The following TCF7L1 variants were observed in gnomAD, a reference collection of about 807,000 sequenced individuals.
The protein encoded by TCF7L1 is transcription factor 7 like 1.
A neutral mutation model predicts 63.7 loss-of-function variants in TCF7L1; 18 were observed. The observed-to-expected ratio is 0.28, with a 90% confidence interval of 0.20 to 0.42. The LOEUF (loss-of-function observed/expected upper bound fraction) is 0.42. Ranked by LOEUF, TCF7L1 falls within the 10% of genes least tolerant of loss-of-function variation. TCF7L1 has a pLI of 1.00. For synonymous variants in TCF7L1, 355 were observed against 340.9 expected, an observed-to-expected ratio of 1.04 and a Z score of -0.46; for missense variants, 654 against 779.3, an observed-to-expected ratio of 0.84 and a Z score of 1.91.
At chr2:85,295,490 C>A (rs1205487628) in intron 4 of TCF7L1, among the ~76,000 whole-genome samples, 1 of 152,244 alleles carries the variant, frequency 6.6e-6, no homozygotes, top group East Asian at 1.9e-4. Context: ...CATGAGCCAC[C>A]GTGCCTGGCC....
chr2:85,298,077 C>G (rs940048049), intron 4 of TCF7L1, among the ~76,000 whole-genome samples: 2 of 148,790 alleles, frequency 1.3e-5, no homozygotes, highest in Non-Finnish European at 3.0e-5. Flanking sequence ...CCTGCCTCAG[C>G]CTCCCGAGTA....
Position 85,208,383 on chromosome 2 carries a change from A to C in TCF7L1, c.441+73933A>C, listed in dbSNP as rs1483227913. Among the ~76,000 whole-genome samples, 4 of 152,304 alleles carry C rather than the reference A, an allele frequency of 2.6e-5. No homozygotes were observed. The East Asian group carries it at 5.8e-4, about 22-fold the overall frequency. ...ACCTTCTGGCAGGAGAGAGAGACATACGTATACAGCGTGTCAGGTGGGAAA... is the reference window on the plus strand; with the variant it reads ...ACCTTCTGGCAGGAGAGAGAGACATCCGTATACAGCGTGTCAGGTGGGAAA... On this transcript the variant is annotated intron_variant, in intron 3 of 11. Transcript: ENST00000282111.
chr2:85,248,501 T>A (rs533931818), intron 3 of TCF7L1, among the ~76,000 whole-genome samples: 2 of 152,294 alleles, frequency 1.3e-5, no homozygotes, highest in Admixed American at 1.3e-4. Context: ...GGAGGCTGTT[T>A]CCATGGGCCC....
At chr2:85,290,863 C>T (rs1330675933) in intron 4 of TCF7L1, among the ~76,000 whole-genome samples, 1 of 152,224 alleles carries the variant, frequency 6.6e-6, no homozygotes, top group African/African-American at 2.4e-5. Context: ...TCCTCTTTGG[C>T]ACCATTCATT....
In TCF7L1 at chr2:85,260,716, C is replaced by T. The variant is rs565855774; in HGVS notation, c.442-22779C>T. On this transcript the variant is annotated intron_variant, in intron 3 of 11. Coordinates refer to ENST00000282111, the MANE Select transcript of TCF7L1 (RefSeq NM_031283.3). ...TTGTTAACCCGTGTGAAAGATGTTT[C>T]GGTGGCCATTTAATGAACATATGTT... Among the ~76,000 whole-genome samples the T allele has an allele frequency of 1.9e-3, 290 of 151,674 alleles. 1 individual carries two copies. The highest frequency in any genetic ancestry group is 6.3e-3 in the African/African-American group (262 of 41,344).
intron 3 of TCF7L1, among the ~76,000 whole-genome samples, chr2:85,146,497 C>CTTTTTT (rs554058692): frequency 1.4e-4 from 14 of 103,608 alleles, no homozygotes; most frequent in Non-Finnish European, 2.1e-4. Context: ...TTCTTTCTTT[C>CTTTTTT]TTTTTTTTTT....
At chr2:85,300,557 GCCTCT>G (rs1681947461) in intron 4 of TCF7L1, among the ~76,000 whole-genome samples, 1 of 152,036 alleles carries the variant, frequency 6.6e-6, no homozygotes, top group Admixed American at 6.6e-5. Context: ...TTAATTCTCC[GCCTCT>G]CCTCTCTGCT....
chr2:85,136,975 G>C (rs987164562), intron 3 of TCF7L1, among the ~76,000 whole-genome samples: 4 of 152,124 alleles, frequency 2.6e-5, no homozygotes, highest in Non-Finnish European at 4.4e-5. Context: ...AGATACGAGT[G>C]GGGAGGGAGG....
Position 85,134,344 on chromosome 2 carries a change from C to T in TCF7L1, c.335C>T (p.Ala112Val). 6.3e-7 allele frequency: 1 copy of T among 1,584,948 alleles called. No individual in the cohort carries two copies. The highest frequency in any genetic ancestry group is 8.6e-7 in the Non-Finnish European group (1 of 1,164,824). ...FAEVRRPQDS[A>V]FFKGPPYPGY... ...GCAGTGAGAAGGCCTCAGGACAGCG[C>T]GTTCTTTAAAGGACCCCCGTACCCT... Residue 112 changes from alanine to valine, a missense_variant, in exon 3 of 12, where the codon GCG becomes GTG. Around this residue, in one of 3 missense-constraint regions of TCF7L1, gnomAD observed 404 missense variants for 454.8 expected, o/e 0.89. Transcript: ENST00000282111. This position sits in a 1 kb window ranked among gnomAD's most constrained non-coding sequence, Gnocchi z 5.0.
At chr2:85,264,265 ACTC>A (rs377694422) in intron 3 of TCF7L1, among the ~76,000 whole-genome samples, 1 of 152,132 alleles carries the variant, frequency 6.6e-6, no homozygotes, top group African/African-American at 2.4e-5. Flanking sequence ...CTACGTGAGT[ACTC>A]CTGACCTCCA....
At chr2:85,304,413 T>C in intron 7 of TCF7L1, 75 bp downstream of exon 7, 1 of 1,497,642 alleles carries the variant, frequency 6.7e-7, no homozygotes, top group South Asian at 1.2e-5. Flanking sequence ...AACAGCTTTT[T>C]CTTGCCAGTT....
chr2:85,250,067 A>G (rs1680555273), intron 3 of TCF7L1, among the ~76,000 whole-genome samples: 1 of 152,218 alleles, frequency 6.6e-6, no homozygotes, highest in East Asian at 1.9e-4. Context: ...CTTTAAATTA[A>G]TGATAGAAAG....
intron 3 of TCF7L1, among the ~76,000 whole-genome samples, chr2:85,260,724 A>G (rs914512199): frequency 1.4e-4 from 22 of 152,080 alleles, no homozygotes; most frequent in Admixed American, 6.5e-5. Context: ...TTCGGTGGCC[A>G]TTTAATGAAC....
intron 3 of TCF7L1, among the ~76,000 whole-genome samples, chr2:85,258,359 G>A (rs1025057644): frequency 6.6e-6 from 1 of 152,182 alleles, no homozygotes; most frequent in Non-Finnish European, 1.5e-5. Flanking sequence ...TTGAGAGCCT[G>A]CCTGACTCTT....
intron 4 of TCF7L1, among the ~76,000 whole-genome samples, chr2:85,300,116 A>G (rs770668879): frequency 1.6e-4 from 24 of 152,174 alleles, no homozygotes; most frequent in Non-Finnish European, 2.8e-4. Flanking sequence ...AAGAGAGACA[A>G]TAAAGACAAA....
chr2:85,244,140 G>T (rs951096304), intron 3 of TCF7L1, among the ~76,000 whole-genome samples: 1 of 152,276 alleles, frequency 6.6e-6, no homozygotes, highest in African/African-American at 2.4e-5. Context: ...TTCCAGGAGC[G>T]GGCAGAACAG....
intron 3 of TCF7L1, among the ~76,000 whole-genome samples, chr2:85,155,069 C>A (rs1678113170): frequency 6.6e-6 from 1 of 152,186 alleles, no homozygotes; most frequent in Non-Finnish European, 1.5e-5. Context: ...CCTGCCCTGG[C>A]CTCCCAAAGT....
Position 85,307,833 on chromosome 2 carries a change from G to A in TCF7L1, c.1333+116G>A, listed in dbSNP as rs566472796. ...GGCTTCTGCCTCGGTATTCGCGGGC[G>A]GGTATTATTACCCCTTTCTCGAGGT... On this transcript the variant is annotated intron_variant, in intron 11 of 11. Coordinates refer to ENST00000282111, the MANE Select transcript of TCF7L1 (RefSeq NM_031283.3). 37 of 919,524 alleles carry A rather than the reference G, an allele frequency of 4.0e-5. 1 individual carries two copies. Among genetic ancestry groups the A allele is most frequent in the South Asian group, 3.8e-4 (26 of 68,562 alleles). The allele number at this position is 919,524 out of a possible 1,614,324, so 57.0% of individuals were successfully genotyped here. A position where few individuals can be genotyped will look rare whatever the true frequency, so the allele number is the denominator to read the frequency against.
intron 3 of TCF7L1, among the ~76,000 whole-genome samples, chr2:85,180,217 T>A (rs532071022): frequency 6.6e-6 from 1 of 150,424 alleles, no homozygotes; most frequent in East Asian, 1.9e-4. Context: ...GTGGTTTTTT[T>A]TTTTGTTTTT....
Sources: allele counts gnomAD v4.1 joint callset (sites outside exome capture counted in the v4.1 genomes callset), GRCh38; gene constraint gnomAD v4.1.1; regional missense constraint gnomAD v4.1.1; non-coding constraint Gnocchi (gnomAD v3.1); transcripts MANE v1.5; gene names NCBI Gene and HGNC (gene_info 2026-07-23, HGNC 2026-07-21).